KCNN2: variants seen among roughly 807,000 people sequenced by gnomAD.
KCNN2 encodes the protein potassium calcium-activated channel subfamily N member 2, also known as small conductance calcium-activated potassium channel protein 2.
KCNN2 carries 24 observed loss-of-function variants against 55.5 expected under a neutral mutation model. That is an observed-to-expected ratio of 0.43 (90% CI 0.31 to 0.61). The LOEUF (loss-of-function observed/expected upper bound fraction) is 0.61, where lower values mean the gene tolerates loss of function less well. Ranked by LOEUF, KCNN2 falls within the 20% of genes least tolerant of loss-of-function variation. KCNN2 has a pLI of 0.08. For missense variants in KCNN2, 754 were observed against 853.6 expected, an observed-to-expected ratio of 0.88 and a Z score of 1.45; for synonymous variants, 431 against 336.1, an observed-to-expected ratio of 1.28 and a Z score of -3.09.
intron 1 of KCNN2, among the ~76,000 whole-genome samples, chr5:114,157,409 T>C (rs1433244388): frequency 6.6e-6 from 1 of 152,180 alleles, no homozygotes; most frequent in East Asian, 1.9e-4. Flanking sequence ...CTATCATTGT[T>C]GGACATTTGG....
intron 3 of KCNN2, among the ~76,000 whole-genome samples, chr5:114,405,705 T>C (rs936597529): frequency 8.6e-5 from 11 of 128,048 alleles, no homozygotes; most frequent in African/African-American, 2.9e-4. Context: ...TTTTTTGTTT[T>C]GTTTTGTTTT....
At chr5:114,279,933 C>T (rs1472986352) in intron 2 of KCNN2, among the ~76,000 whole-genome samples, 4 of 152,166 alleles carry the variant, frequency 2.6e-5, no homozygotes, top group African/African-American at 9.7e-5. Context: ...AAAAGTGTTC[C>T]TATTTCTCCA....
intron 1 of KCNN2, among the ~76,000 whole-genome samples, chr5:114,124,887 A>G (rs1405928764): frequency 6.6e-6 from 1 of 152,106 alleles, no homozygotes; most frequent in East Asian, 1.9e-4. Context: ...TCTCACTATT[A>G]TCACATCTAT....
intron 7 of KCNN2, among the ~76,000 whole-genome samples, chr5:114,495,439 C>T (rs1027242804): frequency 6.6e-6 from 1 of 152,182 alleles, no homozygotes; most frequent in Admixed American, 6.5e-5. Flanking sequence ...TCTGCTACAT[C>T]CCAATGCCAT....
At chr5:114,205,872 A>G (rs1428287889) in intron 1 of KCNN2, among the ~76,000 whole-genome samples, 5 of 152,186 alleles carry the variant, frequency 3.3e-5, no homozygotes, top group Admixed American at 6.5e-5. Flanking sequence ...TTTCTTTTCA[A>G]AGGAATAGAA....
chr5:114,294,146 C>T (rs1755956515), intron 2 of KCNN2, among the ~76,000 whole-genome samples: 1 of 152,038 alleles, frequency 6.6e-6, no homozygotes, highest in Non-Finnish European at 1.5e-5. Context: ...AAAAACAGCT[C>T]CTGGATGCAT....
chr5:114,349,145 A>G (rs1295689714), intron 2 of KCNN2, among the ~76,000 whole-genome samples: 3 of 152,042 alleles, frequency 2.0e-5, no homozygotes, highest in Non-Finnish European at 2.9e-5. Flanking sequence ...GACATTTCCT[A>G]TATATGGAAT....
chr5:114,405,919 C>T (rs989539204), intron 3 of KCNN2, among the ~76,000 whole-genome samples: 2 of 151,810 alleles, frequency 1.3e-5, no homozygotes, highest in Non-Finnish European at 2.9e-5. Flanking sequence ...ACCGTGTTAG[C>T]TGGGATGGTC....
chr5:114,448,819 T>A (rs891167627), intron 3 of KCNN2, among the ~76,000 whole-genome samples: 1 of 152,238 alleles, frequency 6.6e-6, no homozygotes, highest in Admixed American at 6.5e-5. Context: ...TTTTGAAAAT[T>A]AAAAATTTAG....
intron 2 of KCNN2, among the ~76,000 whole-genome samples, chr5:114,276,587 C>G (rs552113232): frequency 2.0e-5 from 3 of 151,752 alleles, no homozygotes; most frequent in Non-Finnish European, 1.5e-5. Context: ...TATGTAATGA[C>G]CCTCTTTGTC....
chr5:114,215,297 T>C (rs1753979581), intron 1 of KCNN2, among the ~76,000 whole-genome samples: 2 of 152,060 alleles, frequency 1.3e-5, no homozygotes, highest in South Asian at 4.1e-4. Flanking sequence ...TCTGCCACAG[T>C]GAATAATAAG....
At chr5:114,449,061 A>C (rs575757385) in intron 3 of KCNN2, among the ~76,000 whole-genome samples, 2 of 152,304 alleles carry the variant, frequency 1.3e-5, no homozygotes, top group East Asian at 3.9e-4. Flanking sequence ...GAGGGGGCCC[A>C]AAAATGAAAT....
At chr5:114,084,289 T>A (rs1222280626) in intron 1 of KCNN2, among the ~76,000 whole-genome samples, 1 of 152,076 alleles carries the variant, frequency 6.6e-6, no homozygotes, top group Non-Finnish European at 1.5e-5. Context: ...ACATCTTGTA[T>A]TTACACCAAC....
intron 3 of KCNN2, among the ~76,000 whole-genome samples, chr5:114,437,772 A>G (rs552285850): frequency 6.6e-6 from 1 of 152,280 alleles, no homozygotes; most frequent in East Asian, 1.9e-4. Context: ...GAAAATCATG[A>G]GTCTGGGGAA....
intron 6 of KCNN2, among the ~76,000 whole-genome samples, chr5:114,490,963 C>G (rs1747818854): frequency 6.6e-6 from 1 of 152,132 alleles, no homozygotes; most frequent in South Asian, 2.1e-4. Flanking sequence ...CAGGCTTTTT[C>G]TATCAGCTCT....
At chr5:114,428,463 T>C (rs560278543) in intron 3 of KCNN2, among the ~76,000 whole-genome samples, 1 of 152,258 alleles carries the variant, frequency 6.6e-6, no homozygotes, top group South Asian at 2.1e-4. Context: ...TTGAACTCTT[T>C]AGAAAAACAT....
intron 2 of KCNN2, among the ~76,000 whole-genome samples, chr5:114,339,741 T>TG (rs1256271212): frequency 6.6e-6 from 1 of 151,936 alleles, no homozygotes; most frequent in African/African-American, 2.4e-5. Context: ...AGGTGGAAGT[T>TG]GCTGTGAGCC....
chr5:114,096,046 G>A lies in KCNN2; in HGVS notation c.-271+39546G>A, dbSNP rs139541537. On this transcript the variant is annotated intron_variant, in intron 1 of 10. Transcript: ENST00000512097. Reference sequence around the variant, plus strand: ...TTTGCCATACCTTGAAGTCCCCTGGGGACTGAGTCCACAGGTTGAGATCAC... The same window carrying A: ...TTTGCCATACCTTGAAGTCCCCTGGAGACTGAGTCCACAGGTTGAGATCAC... Among the ~76,000 whole-genome samples, 345 of 152,092 alleles carry A rather than the reference G, an allele frequency of 2.3e-3. 3 individuals carry two copies. Among genetic ancestry groups the A allele is most frequent in the African/African-American group, 7.9e-3 (326 of 41,498 alleles).
chr5:114,170,529 A>G lies in KCNN2; in HGVS notation c.-270-50951A>G, dbSNP rs186219838. 2.8e-4 allele frequency among the ~76,000 whole-genome samples: 43 copies of G among 152,134 alleles called. No homozygotes were observed. In the East Asian group the frequency reaches 4.4e-3, roughly 16 times the overall value. ...AGGAAAAGCTTTACCCTATCTGCAC[A>G]TACCTATGCATCACACCTCCACATG... On this transcript the variant is annotated intron_variant, in intron 1 of 10. Transcript: ENST00000512097.
Sources: gnomAD v4.1 joint callset for allele counts (sites outside exome capture counted in the v4.1 genomes callset) on GRCh38, gnomAD v4.1.1 for gene constraint, MANE v1.5 for transcripts, NCBI Gene and HGNC (gene_info 2026-07-23, HGNC 2026-07-21) for gene names.